PPP1R21: variants seen among roughly 807,000 people sequenced by gnomAD.
PPP1R21 encodes the protein protein phosphatase 1 regulatory subunit 21, also known as KLRAQ motif containing 1.
PPP1R21 carries 85 observed loss-of-function variants against 112.8 expected under a neutral mutation model. The observed-to-expected ratio is 0.75, with a 90% confidence interval of 0.63 to 0.90. The LOEUF is 0.90. PPP1R21 is among the 40% of genes least tolerant of loss of function. The pLI, the probability that PPP1R21 is intolerant of heterozygous loss-of-function variation, is 0.00. For missense variants in PPP1R21, 1,199 were observed against 901.5 expected (o/e 1.33, Z -4.23); for synonymous variants, 381 against 322.3 (o/e 1.18, Z -1.95).
intron 6 of PPP1R21, 76 bp from the exon 7 acceptor site, chr2:48,461,062 G>T (rs1667954305): frequency 6.6e-7 from 1 of 1,510,788 alleles, no homozygotes; most frequent in Non-Finnish European, 8.8e-7. Context: ...ACTACCAGCT[G>T]TTGAGGTAAC....
At chr2:48,494,440 T>C (rs1161042016) in intron 15 of PPP1R21, among the ~76,000 whole-genome samples, 2 of 151,704 alleles carry the variant, frequency 1.3e-5, no homozygotes, top group Non-Finnish European at 2.9e-5. Context: ...TATTTATTTA[T>C]TTTTGAATCA....
intron 9 of PPP1R21, among the ~76,000 whole-genome samples, 189 bp downstream of exon 9, chr2:48,465,831 A>G (rs777613915): frequency 6.6e-6 from 1 of 152,234 alleles, no homozygotes; most frequent in Non-Finnish European, 1.5e-5. Flanking sequence ...ATTCTAGGGA[A>G]GTGTATTAGT....
At chr2:48,488,959 C>T (rs753339392) in intron 14 of PPP1R21, among the ~76,000 whole-genome samples, 1 of 152,116 alleles carries the variant, frequency 6.6e-6, no homozygotes, top group Non-Finnish European at 1.5e-5. Context: ...TGTGTGAATC[C>T]ATGTCATTCA....
In PPP1R21 at chr2:48,495,771, A is replaced by AG. The variant is rs1669809326; in HGVS notation, c.1692+1dup. ...AAAGTCGAGAAGGCCTTGCACAGCA[A>AG]GTATGGCACTGGGAAAATTATGGAA... On this transcript the variant is annotated frameshift_variant and splice_region_variant. Transcript: ENST00000294952. LOFTEE classifies it high-confidence loss of function. 1 of 1,563,108 alleles carries AG rather than the reference A, an allele frequency of 6.4e-7. No homozygotes were observed. Among genetic ancestry groups the AG allele is most frequent in the Non-Finnish European group, 8.8e-7 (1 of 1,133,998 alleles).
intron 1 of PPP1R21, among the ~76,000 whole-genome samples, chr2:48,446,509 T>A (rs907761983): frequency 2.6e-5 from 4 of 152,180 alleles, no homozygotes; most frequent in Non-Finnish European, 5.9e-5. Context: ...AAAAGAGAAC[T>A]GTTAAAGTAA....
rs536906632 is a variant in PPP1R21 at position 48,460,975 on chromosome 2, C to T, written c.600-163C>T. ...CCTGGGACTTGAGAAGCCAGGTTAG[C>T]GTTTTTGTTATCTTCCTCTTTTAAC... On this transcript the variant is annotated intron_variant, in intron 6 of 21. Coordinates refer to ENST00000294952, the MANE Select transcript of PPP1R21 (RefSeq NM_001135629.3). Among the ~76,000 whole-genome samples the T allele has an allele frequency of 4.6e-5, 7 of 152,300 alleles. No individual in the cohort carries two copies. The South Asian group carries it at 1.2e-3, about 27-fold the overall frequency.
Position 48,454,939 on chromosome 2 carries a change from G to A in PPP1R21, c.273+198G>A, listed in dbSNP as rs1558428026. ...ACTGCAACCTCTGCTCCCAGGCTCA[G>A]TGATCCTCCCACCTCCGCCCCCAGA... On this transcript the variant is annotated intron_variant, in intron 3 of 21. Transcript: ENST00000294952. Among the ~76,000 whole-genome samples the A allele has an allele frequency of 2.0e-5, 3 of 152,192 alleles. No homozygotes were observed. In the South Asian group the frequency reaches 6.2e-4, roughly 32 times the overall value.
chr2:48,475,512 A>G (rs1668711266), intron 12 of PPP1R21, among the ~76,000 whole-genome samples: 1 of 152,154 alleles, frequency 6.6e-6, no homozygotes, highest in South Asian at 2.1e-4. Flanking sequence ...GAGCTTTAGT[A>G]GTAAAAATGC....
At chr2:48,456,249 GCT>G (rs1358048883) in intron 3 of PPP1R21, among the ~76,000 whole-genome samples, 5 of 142,376 alleles carry the variant, frequency 3.5e-5, no homozygotes, top group Non-Finnish European at 7.5e-5. Flanking sequence ...AGAGATTGCT[GCT>G]CTTTTTTTTT....
intron 15 of PPP1R21, among the ~76,000 whole-genome samples, chr2:48,493,492 G>C (rs569204202): frequency 6.6e-6 from 1 of 152,008 alleles, no homozygotes; most frequent in Non-Finnish European, 1.5e-5. Flanking sequence ...TCTTAGCCAG[G>C]GTTGATTTCC....
intron 13 of PPP1R21, among the ~76,000 whole-genome samples, chr2:48,484,438 G>C (rs1290425656): frequency 6.6e-6 from 1 of 151,386 alleles, no homozygotes; most frequent in Non-Finnish European, 1.5e-5. Flanking sequence ...TGATTCTTTT[G>C]TACATTTTGG....
chr2:48,449,358 A>G (rs1209075181), intron 1 of PPP1R21, among the ~76,000 whole-genome samples: 2 of 152,186 alleles, frequency 1.3e-5, no homozygotes, highest in Admixed American at 6.5e-5. Flanking sequence ...TATAGACCAT[A>G]TAGCTGGTTA....
chr2:48,479,694 TTTTG>T lies in PPP1R21; in HGVS notation c.1226-226_1226-223del, dbSNP rs1668919483. On this transcript the variant is annotated intron_variant, in intron 12 of 21. Transcript: ENST00000294952. ...GACTTAATCCTGCTTAACAACTGAA[TTTTG>T]TTTCTCAACCATTAAAAAATATTTG... 7 of 616,114 alleles carry T rather than the reference TTTTG, an allele frequency of 1.1e-5. No individual in the cohort carries two copies. In the East Asian group the frequency reaches 2.0e-4, roughly 18 times the overall value. The allele number at this position is 616,114 out of a possible 1,614,324, so 38.2% of individuals were successfully genotyped here. A position where few individuals can be genotyped will look rare whatever the true frequency, so the allele number is the denominator to read the frequency against.
intron 3 of PPP1R21, among the ~76,000 whole-genome samples, chr2:48,455,389 C>T (rs949694348): frequency 2.0e-5 from 3 of 150,134 alleles, no homozygotes; most frequent in Non-Finnish European, 4.4e-5. Context: ...GTGGTCTGCT[C>T]GCCTCAGCCT....
chr2:48,461,022 C>G, intron 6 of PPP1R21, 116 bp from the exon 7 acceptor site: 1 of 1,444,702 alleles, frequency 6.9e-7, no homozygotes, highest in South Asian at 1.4e-5. Flanking sequence ...AAGAGTATCC[C>G]AGATGTCAGG....
rs373280160 is a variant in PPP1R21, at chr2:48,458,249, T to C, written c.375+22T>C. 8.5e-6 allele frequency: 13 copies of C among 1,526,712 alleles called. No homozygotes were observed. The African/African-American group carries it at 1.8e-4, about 21-fold the overall frequency. The allele number at this position is 1,526,712 out of a possible 1,614,324, so 94.6% of individuals were successfully genotyped here. A position where few individuals can be genotyped will look rare whatever the true frequency, so the allele number is the denominator to read the frequency against. On this transcript the variant is annotated intron_variant, in intron 4 of 21. Coordinates refer to ENST00000294952, the MANE Select transcript of PPP1R21 (RefSeq NM_001135629.3). ...ACAAGTGAGAAAATCTGTTTTTCTA[T>C]GTGAATTAAAAAATGGGTCTGTGAT...
Position 48,498,620 on chromosome 2 carries a change from C to T in PPP1R21, c.1820C>T (p.Thr607Ile), listed in dbSNP as rs759190656. 3.7e-6 allele frequency: 6 copies of T among 1,614,236 alleles called. No homozygotes were observed. In the South Asian group the frequency reaches 5.5e-5, roughly 15 times the overall value. The change falls in exon 17 of 22, where the codon ACA (threonine) becomes ATA (isoleucine). Residue 607 changes from threonine to isoleucine, a missense_variant. By Grantham distance (89) the Thr-to-Ile change is moderately conservative (BLOSUM62 -1). Coordinates refer to ENST00000294952, the MANE Select transcript of PPP1R21 (RefSeq NM_001135629.3). Reference protein sequence around the residue: ...NQRIADKLKNTGSAQLVGLAQ... With the variant: ...NQRIADKLKNIGSAQLVGLAQ... Reference sequence around the variant, plus strand: ...CGAATTGCAGATAAGCTGAAGAATACAGGTAGTGCCCAGCTGGTTGGGCTG... The same window carrying T: ...CGAATTGCAGATAAGCTGAAGAATATAGGTAGTGCCCAGCTGGTTGGGCTG...
chr2:48,503,825 C>T (rs1229354398), intron 17 of PPP1R21, among the ~76,000 whole-genome samples: 1 of 151,418 alleles, frequency 6.6e-6, no homozygotes, highest in Non-Finnish European at 1.5e-5. Flanking sequence ...TGGTGGTGGG[C>T]ACCTGTAATC....
chr2:48,512,098 T>C (rs1670668523), intron 21 of PPP1R21, among the ~76,000 whole-genome samples: 1 of 152,246 alleles, frequency 6.6e-6, no homozygotes. Flanking sequence ...TCTTTGTTTA[T>C]GTAAGACCTA....
Sources: gnomAD v4.1 joint callset for allele counts (sites outside exome capture counted in the v4.1 genomes callset) on GRCh38, gnomAD v4.1.1 for gene constraint, MANE v1.5 for transcripts, NCBI Gene and HGNC (gene_info 2026-07-23, HGNC 2026-07-21) for gene names.